NCF4: variants seen among roughly 807,000 people sequenced by gnomAD.
NCF4 encodes the protein neutrophil cytosolic factor 4.
In NCF4, 30 loss-of-function variants were observed where a neutral mutation model predicts 41.7. The ratio of observed to expected loss-of-function variants is 0.72; its 90% CI spans 0.54 to 0.97. The LOEUF (loss-of-function observed/expected upper bound fraction) is 0.97. Ranked by LOEUF, NCF4 falls within the 50% of genes least tolerant of loss-of-function variation. The pLI, the probability that NCF4 is intolerant of heterozygous loss-of-function variation, is 0.00. For missense variants in NCF4, 432 were observed against 460.9 expected (o/e 0.94, Z 0.57); for synonymous variants, 195 against 175.8 (o/e 1.11, Z -0.87).
chr22:36,862,393 G>T (rs1939795570), intron 1 of NCF4, among the ~76,000 whole-genome samples: 1 of 152,220 alleles, frequency 6.6e-6, no homozygotes, highest in Non-Finnish European at 1.5e-5. Context: ...GCTGGGTAAG[G>T]CTGGCCGACC....
rs1190702119 is a variant in NCF4 at position 36,866,908 on chromosome 22, G to C, written c.272-484G>C. Among the ~76,000 whole-genome samples, 14 of 152,144 alleles carry C rather than the reference G, an allele frequency of 9.2e-5. 1 individual carries two copies. The highest frequency in any genetic ancestry group is 9.2e-4 in the Admixed American group (14 of 15,276). ...CTTTGGTGGTATGTGGACGTGCCTT[G>C]AGAGATGGAAAGAATCCTGGTTCCT... On this transcript the variant is annotated intron_variant, in intron 3 of 9. Coordinates refer to ENST00000248899, the MANE Select transcript of NCF4 (RefSeq NM_000631.5).
intron 7 of NCF4, among the ~76,000 whole-genome samples, chr22:36,874,022 T>C (rs1940139666): frequency 1.3e-5 from 2 of 152,254 alleles, no homozygotes; most frequent in South Asian, 4.1e-4. Flanking sequence ...ACTTGCGGTT[T>C]CCTTTTCTGT....
At position 36,865,078 on chromosome 22, in the gene NCF4, C is replaced by T. The variant is rs200052796; in HGVS notation, c.271+6C>T. The T allele has an allele frequency of 3.7e-4, 600 of 1,608,198 alleles. No individual in the cohort carries two copies. The highest frequency in any genetic ancestry group is 4.0e-4 in the Non-Finnish European group (476 of 1,179,980). On this transcript the variant is annotated splice_donor_region_variant and intron_variant, in intron 3 of 9. Transcript: ENST00000248899. This position sits in a 1 kb window ranked among gnomAD's most constrained non-coding sequence, Gnocchi z 4.3. ...TACCCTGCCCACACTCCCAGGTAGG[C>T]GGCCACTCCCGTCCTGCTGCTGCAG...
rs981310474 is a variant in NCF4 at position 36,877,911 on chromosome 22, T to C, written c.*88T>C. On this transcript the variant is annotated 3_prime_UTR_variant, in exon 10 of 10. Coordinates refer to ENST00000248899, the MANE Select transcript of NCF4 (RefSeq NM_000631.5). Reference sequence around the variant, plus strand: ...TTGGGACCAGGAAAACCTGGGAGGATGGGCAGACTTCCTGTCTTTGAGGCT... The same window carrying C: ...TTGGGACCAGGAAAACCTGGGAGGACGGGCAGACTTCCTGTCTTTGAGGCT... 3.0e-6 allele frequency: 4 copies of C among 1,349,612 alleles called. No individual in the cohort carries two copies. In the Admixed American group the frequency reaches 6.1e-5, roughly 21 times the overall value. The allele number at this position is 1,349,612 out of a possible 1,614,324, so 83.6% of individuals were successfully genotyped here.
rs34305158 is a variant in NCF4, at chr22:36,876,330, G to T, written c.824+236G>T. 0.016 allele frequency among the ~76,000 whole-genome samples: 2,422 copies of T among 152,236 alleles called. 81 individuals are homozygous for T. Among genetic ancestry groups the T allele is most frequent in the African/African-American group, 0.055 (2,290 of 41,508 alleles). On this transcript the variant is annotated intron_variant, in intron 9 of 9. Coordinates refer to ENST00000248899, the MANE Select transcript of NCF4 (RefSeq NM_000631.5). ...TCACGCAGGTTGTGGGTTTAGATCCGGATCTGCAGCTGGAGCTAAAGTCTC... is the reference window on the plus strand; with the variant it reads ...TCACGCAGGTTGTGGGTTTAGATCCTGATCTGCAGCTGGAGCTAAAGTCTC...
chr22:36,869,078 G>C (rs1939994443), intron 4 of NCF4, among the ~76,000 whole-genome samples: 1 of 152,194 alleles, frequency 6.6e-6, no homozygotes, highest in South Asian at 2.1e-4. Context: ...CACGTTTATT[G>C]ATAAATGAAT....
intron 6 of NCF4, 125 bp downstream of exon 6, chr22:36,871,834 A>G (rs1482105803): frequency 2.2e-5 from 26 of 1,165,696 alleles, no homozygotes; most frequent in Admixed American, 4.0e-5. Flanking sequence ...GGGCACCAGG[A>G]GGAAGGAAGG....
At chr22:36,877,495 G>T in intron 9 of NCF4, 133 bp from the exon 10 acceptor site, 1 of 900,782 alleles carries the variant, frequency 1.1e-6, no homozygotes, top group Non-Finnish European at 1.8e-6. Context: ...AGATTACTTG[G>T]ATGACACGGG....
intron 9 of NCF4, 30 bp downstream of exon 9, chr22:36,876,124 TAG>T (rs1940188775): frequency 1.3e-6 from 2 of 1,572,184 alleles, no homozygotes; most frequent in African/African-American, 2.7e-5. Context: ...GCTGGGGAGT[TAG>T]ATACTCTGGA....
At chr22:36,863,479 G>A (rs970879937) in intron 1 of NCF4, among the ~76,000 whole-genome samples, 90 of 149,520 alleles carry the variant, frequency 6.0e-4, no homozygotes, top group African/African-American at 7.2e-4. Context: ...GGGAAAACTC[G>A]AGGTCCCTCT....
rs2145706091 is a variant in NCF4 at position 36,865,426 on chromosome 22, C to T, written c.271+354C>T. On this transcript the variant is annotated intron_variant, in intron 3 of 9. Coordinates refer to ENST00000248899, the MANE Select transcript of NCF4 (RefSeq NM_000631.5). The surrounding 1 kb of genome is among the most constrained non-coding windows in gnomAD (Gnocchi z 4.3). The stretch of plus-strand genomic sequence containing the variant: ...CCAGTCTGGTCCCTAAACACACTGA[C>T]TCACCTCCCTGCCCACCCTCAGCTT... Among the ~76,000 whole-genome samples, 1 of 152,240 alleles carries T rather than the reference C, an allele frequency of 6.6e-6. No homozygotes were observed. Among genetic ancestry groups the T allele is most frequent in the African/African-American group, 2.4e-5 (1 of 41,542 alleles).
chr22:36,861,426 G>A (rs1197283672), intron 1 of NCF4, among the ~76,000 whole-genome samples: 2 of 152,204 alleles, frequency 1.3e-5, no homozygotes, highest in East Asian at 1.9e-4. Flanking sequence ...TCCAAGAGTG[G>A]GAGTGACTTG....
In NCF4 at chr22:36,877,744, C is replaced by G. The variant is rs200966942; in HGVS notation, c.941C>G (p.Pro314Arg). 6.2e-7 allele frequency: 1 copy of G among 1,614,066 alleles called. No individual in the cohort carries two copies. Among genetic ancestry groups the G allele is most frequent in the Non-Finnish European group, 8.5e-7 (1 of 1,180,024 alleles). Reference protein sequence around the residue: ...ALMVRQARGLPSQKRLFPWKL... With the variant: ...ALMVRQARGLRSQKRLFPWKL... ...ATGGTGCGGCAGGCTCGTGGCCTCCCCTCCCAGAAGCGCCTCTTCCCCTGG... is the reference window on the plus strand; with the variant it reads ...ATGGTGCGGCAGGCTCGTGGCCTCCGCTCCCAGAAGCGCCTCTTCCCCTGG... The change falls in exon 10 of 10, where the codon CCC becomes CGC. Residue 314 changes from proline (P) to arginine (R), a missense_variant. By Grantham distance (103) the Pro-to-Arg change is moderately radical (BLOSUM62 -2). Coordinates refer to ENST00000248899, the MANE Select transcript of NCF4 (RefSeq NM_000631.5).
rs546268452 is a variant in NCF4 at position 36,875,326 on chromosome 22, G to C, written c.628-327G>C. Among the ~76,000 whole-genome samples, 6 of 152,250 alleles carry C rather than the reference G, an allele frequency of 3.9e-5. No individual in the cohort carries two copies. In the South Asian group the frequency reaches 1.2e-3, roughly 32 times the overall value. On this transcript the variant is annotated intron_variant, in intron 7 of 9. Coordinates refer to ENST00000248899, the MANE Select transcript of NCF4 (RefSeq NM_000631.5). Reference sequence around the variant, plus strand: ...ATTACAGGTGTGAGCTACTGCGCCCGGCCCAAGGACTTTTATCTATTTTGA... The same window carrying C: ...ATTACAGGTGTGAGCTACTGCGCCCCGCCCAAGGACTTTTATCTATTTTGA...
chr22:36,871,735 G>A, intron 6 of NCF4, 26 bp downstream of exon 6: 3 of 1,552,242 alleles, frequency 1.9e-6, no homozygotes, highest in Non-Finnish European at 2.6e-6. Context: ...ACGCTGGCCA[G>A]GCTCTCACAC....
At position 36,861,049 on chromosome 22, in the gene NCF4, T is replaced by G; in HGVS notation, c.-123T>G. The G allele has an allele frequency of 7.4e-7, 1 of 1,349,262 alleles. No homozygotes were observed. The highest frequency in any genetic ancestry group is 1.0e-6 in the Non-Finnish European group (1 of 964,100). The allele number at this position is 1,349,262 out of a possible 1,614,324, so 83.6% of individuals were successfully genotyped here. ...CCTGAGCCTCCCCAAAGGCAGCTCC[T>G]GGGGACTCCCAGGACCACAGGCTGA... On this transcript the variant is annotated 5_prime_UTR_variant, in exon 1 of 10. Coordinates refer to ENST00000248899, the MANE Select transcript of NCF4 (RefSeq NM_000631.5).
chr22:36,869,647 G>A (rs753893649), intron 4 of NCF4, among the ~76,000 whole-genome samples: 1 of 152,084 alleles, frequency 6.6e-6, no homozygotes, highest in South Asian at 2.1e-4. Flanking sequence ...TTGGAGTTTG[G>A]TGAGATGACC....
chr22:36,866,572 G>A (rs146848438), intron 3 of NCF4, among the ~76,000 whole-genome samples: 39 of 152,136 alleles, frequency 2.6e-4, no homozygotes, highest in African/African-American at 7.2e-4. Flanking sequence ...TAATTGTCAC[G>A]TTTTTGCTCC....
chr22:36,864,824 T>C, intron 2 of NCF4, 95 bp from the exon 3 acceptor site: 4 of 1,491,582 alleles, frequency 2.7e-6, no homozygotes, highest in Non-Finnish European at 3.7e-6. Flanking sequence ...ATCCTCATCA[T>C]CTTCCTCCTC....
Sources: allele counts gnomAD v4.1 joint callset (sites outside exome capture counted in the v4.1 genomes callset), GRCh38; gene constraint gnomAD v4.1.1; non-coding constraint Gnocchi (gnomAD v3.1); transcripts MANE v1.5; gene names NCBI Gene and HGNC (gene_info 2026-07-23, HGNC 2026-07-21).